Variants in CDK13 observed in about 807,000 individuals in gnomAD.
The protein encoded by CDK13 is cyclin-dependent kinase 13.
Under a neutral mutation model 137.6 loss-of-function variants are expected in CDK13, and 40 were observed. That is an observed-to-expected ratio of 0.29 (90% confidence interval 0.23 to 0.38). The LOEUF (loss-of-function observed/expected upper bound fraction) is 0.38, where lower values mean the gene tolerates loss of function less well. Ranked by LOEUF, CDK13 falls within the 10% of genes least tolerant of loss-of-function variation. The pLI, the probability that CDK13 is intolerant of heterozygous loss-of-function variation, is 1.00. For synonymous variants in CDK13, 869 were observed against 760.1 expected, an observed-to-expected ratio of 1.14 and a Z score of -2.36; for missense variants, 1,704 against 1,951.8, an observed-to-expected ratio of 0.87 and a Z score of 2.39.
chr7:40,025,445 T>C (rs571674326), intron 5 of CDK13, among the ~76,000 whole-genome samples: 18 of 152,298 alleles, frequency 1.2e-4, no homozygotes, highest in African/African-American at 4.1e-4. Context: ...TATTTGTAAA[T>C]GTAAACTTGT....
Position 40,094,887 on chromosome 7 carries a change from T to G in CDK13, c.4446T>G (p.Thr1482=). ...GPSLMHGQTW[T]SPAQGPGYSQ... ...GCCTCATGCATGGACAGACCTGGAC[T>G]TCTCCTGCCCAAGGACCTGGATATT... Residue 1482 remains threonine, a synonymous_variant, in exon 14 of 14, where the codon ACT becomes ACG. Coordinates refer to ENST00000181839, the MANE Select transcript of CDK13 (RefSeq NM_003718.5). 6.6e-7 allele frequency: 1 copy of G among 1,512,526 alleles called. No homozygotes were observed. The highest frequency in any genetic ancestry group is 8.8e-7 in the Non-Finnish European group (1 of 1,132,070). 93.7% of individuals were successfully genotyped at this position (1,512,526 alleles called of 1,614,324 possible).
intron 11 of CDK13, among the ~76,000 whole-genome samples, chr7:40,079,314 G>A (rs1470772953): frequency 2.6e-5 from 4 of 152,132 alleles, no homozygotes; most frequent in Non-Finnish European, 5.9e-5. Context: ...AGCTACTTGG[G>A]AGGCTGAGGC....
intron 5 of CDK13, among the ~76,000 whole-genome samples, chr7:40,039,606 A>G (rs1286321890): frequency 1.3e-5 from 2 of 151,434 alleles, no homozygotes; most frequent in Non-Finnish European, 2.9e-5. Flanking sequence ...TAATTTTTGT[A>G]TTTTTAGTAG....
chr7:40,080,291 T>C (rs1317036334), intron 11 of CDK13, among the ~76,000 whole-genome samples: 1 of 152,118 alleles, frequency 6.6e-6, no homozygotes, highest in Non-Finnish European at 1.5e-5. Flanking sequence ...CCCAGCCTTT[T>C]CTTAATAATT....
At chr7:40,084,652 G>A (rs576804920) in intron 11 of CDK13, among the ~76,000 whole-genome samples, 116 of 152,300 alleles carry the variant, frequency 7.6e-4, no homozygotes, top group Non-Finnish European at 1.3e-3. Flanking sequence ...GTTGCCATTA[G>A]AATGAATATT....
chr7:40,020,216 T>C (rs1215178426), intron 5 of CDK13, among the ~76,000 whole-genome samples: 1 of 152,014 alleles, frequency 6.6e-6, no homozygotes, highest in East Asian at 1.9e-4. Context: ...TACAGGTGCA[T>C]GCCACCATGC....
intron 1 of CDK13, 89 bp downstream of exon 1, chr7:39,951,941 C>T (rs565334112): frequency 3.2e-6 from 4 of 1,252,768 alleles, no homozygotes; most frequent in Admixed American, 3.3e-5. Flanking sequence ...GTCCTCAGAA[C>T]GACTCAGGTC....
intron 1 of CDK13, among the ~76,000 whole-genome samples, chr7:39,964,506 CT>C (rs1783823137): frequency 1.2e-5 from 1 of 83,432 alleles, no homozygotes; most frequent in Non-Finnish European, 3.6e-5. Flanking sequence ...TTTGATTCTT[CT>C]CTCTTTTTTC....
chr7:39,983,183 A>G (rs1043308143), intron 1 of CDK13, among the ~76,000 whole-genome samples: 30 of 152,112 alleles, frequency 2.0e-4, no homozygotes, highest in African/African-American at 7.2e-4. Context: ...ATCCATCTTG[A>G]ATTAATTTTT....
At chr7:39,985,988 T>A (rs1784331109) in intron 1 of CDK13, 1 of 152,214 alleles carries the variant, frequency 6.6e-6, no homozygotes, top group Non-Finnish European at 1.5e-5. Flanking sequence ...CTCTGCCTCC[T>A]TCTGTCAGTG....
chr7:40,021,108 T>G (rs532636967), intron 5 of CDK13, among the ~76,000 whole-genome samples: 1 of 72,470 alleles, frequency 1.4e-5, no homozygotes, highest in African/African-American at 7.0e-5. Context: ...CAAACGTATA[T>G]ATATATATAT....
chr7:40,094,745 C>T lies in CDK13; in HGVS notation c.4304C>T (p.Ala1435Val). Residue 1435 changes from alanine to valine, a missense_variant, in exon 14 of 14, where the codon GCA becomes GTA. This residue lies in a region of CDK13 where 475 missense variants were observed against 579.3 expected (regional missense o/e 0.82). Coordinates refer to ENST00000181839, the MANE Select transcript of CDK13 (RefSeq NM_003718.5). ...HRFEYSHGPI[A>V]VLANSSDPST... ...TTTGAATATAGCCATGGTCCTATTG[C>T]AGTCCTGGCAAACAGCAGTGACCCT... 1 of 1,613,844 alleles carries T rather than the reference C, an allele frequency of 6.2e-7. No homozygotes were observed. The highest frequency in any genetic ancestry group is 8.5e-7 in the Non-Finnish European group (1 of 1,179,862).
At chr7:40,035,116 A>G (rs368585203) in intron 5 of CDK13, among the ~76,000 whole-genome samples, 102 of 152,338 alleles carry the variant, frequency 6.7e-4, no homozygotes, top group Middle Eastern at 3.4e-3. Flanking sequence ...AAGGATATGT[A>G]TATATATCAG....
chr7:39,952,852 T>C (rs1787279261), intron 1 of CDK13: 1 of 152,206 alleles, frequency 6.6e-6, no homozygotes. Context: ...TAATATTCTT[T>C]TTAAAAAGTG....
intron 7 of CDK13, 37 bp from the exon 8 acceptor site, chr7:40,062,787 CAA>C: frequency 1.4e-6 from 2 of 1,392,104 alleles, no homozygotes; most frequent in Non-Finnish European, 1.0e-6. Context: ...CTTACTCCAA[CAA>C]ATACTAACTC....
chr7:39,999,507 A>C lies in CDK13; in HGVS notation c.2182+7A>C. On this transcript the variant is annotated splice_region_variant and intron_variant, in intron 4 of 13. Coordinates refer to ENST00000181839, the MANE Select transcript of CDK13 (RefSeq NM_003718.5). ...GCCAGGGATAAAGACACTGGTAAGA[A>C]TGCCAAGTTCTGGGGATCTTTGGGC... 1.3e-6 allele frequency: 2 copies of C among 1,595,070 alleles called. No individual in the cohort carries two copies. The highest frequency in any genetic ancestry group is 1.7e-6 in the Non-Finnish European group (2 of 1,169,804).
At chr7:40,016,387 A>G (rs901942888) in intron 5 of CDK13, among the ~76,000 whole-genome samples, 4 of 152,208 alleles carry the variant, frequency 2.6e-5, no homozygotes, top group African/African-American at 2.4e-5. Flanking sequence ...TATTTTCACC[A>G]TTCTTCATGA....
rs748003578 is a variant in CDK13 at position 40,088,198 on chromosome 7, T to G, written c.3102T>G (p.Thr1034=). 6.2e-7 allele frequency: 1 copy of G among 1,614,076 alleles called. No homozygotes were observed. Among genetic ancestry groups the G allele is most frequent in the South Asian group, 1.1e-5 (1 of 91,078 alleles). ...GAAGACAGAAGCAGATGGGCATGAC[T>G]GATGATGTTTCCACAATTAAAGCCC... ...KRRRQKQMGM[T]DDVSTIKAPR... Residue 1034 remains threonine, a synonymous_variant, in exon 12 of 14, where the codon ACT becomes ACG. Transcript: ENST00000181839.
chr7:39,951,634 C>T lies in CDK13; in HGVS notation c.993C>T (p.Ala331=), dbSNP rs1205068562. 6 of 1,478,838 alleles carry T rather than the reference C, an allele frequency of 4.1e-6. No individual in the cohort carries two copies. The highest frequency in any genetic ancestry group is 2.5e-5 in the Admixed American group (1 of 40,216). 91.6% of individuals were successfully genotyped at this position (1,478,838 alleles called of 1,614,324 possible). Residue 331 remains alanine (A), a synonymous_variant, in exon 1 of 14, where the codon GCC becomes GCT. Transcript: ENST00000181839. ...ACGACAGCCCGGTGTCCCACAGGGC[C>T]TCTCAGAGCCTGAGGAGCCGCAAGT... is the stretch of plus-strand genomic sequence containing the variant. The part of the protein sequence containing the change: ...GRDDSPVSHR[A]SQSLRSRKSP...
Sources: allele counts gnomAD v4.1 joint callset (sites outside exome capture counted in the v4.1 genomes callset), GRCh38; gene constraint gnomAD v4.1.1; regional missense constraint gnomAD v4.1.1; transcripts MANE v1.5; gene names NCBI Gene and HGNC (gene_info 2026-07-23, HGNC 2026-07-21).